Variants in SHROOM2 observed in about 807,000 individuals in gnomAD.
SHROOM2 encodes the protein protein Shroom2.
SHROOM2 carries 33 observed loss-of-function variants against 75.9 expected under a neutral mutation model. The observed-to-expected ratio is 0.43, with a 90% CI of 0.33 to 0.58. The LOEUF is 0.58. Among genes scored for constraint, SHROOM2 ranks in the 20% least tolerant of loss-of-function variants. The pLI, the probability that SHROOM2 is intolerant of heterozygous loss-of-function variation, is 0.04. For synonymous variants in SHROOM2, 655 were observed against 663.6 expected (o/e 0.99, Z 0.20); for missense variants, 1,434 against 1,461.2 (o/e 0.98, Z 0.30).
At chrX:9,829,148 T>C (rs2083902941) in intron 1 of SHROOM2, among the ~76,000 whole-genome samples, 1 of 111,969 alleles carries the variant, frequency 8.9e-6, no homozygotes, top group African/African-American at 3.2e-5. Context: ...CTCAGCCTCC[T>C]GAGTAGCTGG....
At position 9,894,298 on chromosome X, in the gene SHROOM2, C is replaced by A. The variant is rs780417862; in HGVS notation, c.450-60C>A. Reference sequence around the variant, plus strand: ...AGGGTCAGCTGCGTCCACCGCCTTGCCCTTTGCCATTGCTGTTGCTAAAGC... The same window carrying A: ...AGGGTCAGCTGCGTCCACCGCCTTGACCTTTGCCATTGCTGTTGCTAAAGC... On this transcript the variant is annotated intron_variant, in intron 3 of 9. Transcript: ENST00000380913. 7 of 1,094,683 alleles carry A rather than the reference C, an allele frequency of 6.4e-6. No homozygotes were observed. In the Admixed American group the frequency reaches 1.8e-4, roughly 28 times the overall value. 90.2% of individuals were successfully genotyped at this position (1,094,683 alleles called of 1,213,427 possible).
intron 2 of SHROOM2, among the ~76,000 whole-genome samples, chrX:9,882,793 G>C (rs1479731200): frequency 8.9e-6 from 1 of 112,131 alleles, no homozygotes; most frequent in African/African-American, 3.2e-5. Flanking sequence ...GGGCCCTGGC[G>C]TTTGCTTACA....
chrX:9,888,158 CAG>C (rs2084271077), intron 2 of SHROOM2, among the ~76,000 whole-genome samples: 1 of 113,077 alleles, frequency 8.8e-6, no homozygotes. Context: ...TCCCCCATGA[CAG>C]GGGCCTTCCG....
chrX:9,913,292 A>G (rs1033397483), intron 5 of SHROOM2: 1 of 112,750 alleles, frequency 8.9e-6, no homozygotes, highest in Admixed American at 9.4e-5. Flanking sequence ...TAGTCATGAG[A>G]AATGTTCCCT....
chrX:9,892,266 A>G (rs953697129), intron 3 of SHROOM2, among the ~76,000 whole-genome samples: 24 of 108,718 alleles, frequency 2.2e-4, no homozygotes, highest in Admixed American at 1.2e-3. Flanking sequence ...AAAAAAAAAA[A>G]AAAAGAAAAG....
intron 1 of SHROOM2, among the ~76,000 whole-genome samples, chrX:9,823,147 T>TCC (rs2083867513): frequency 3.0e-5 from 2 of 66,271 alleles, no homozygotes; most frequent in African/African-American, 1.1e-4. Flanking sequence ...CTCCTTCTCC[T>TCC]TCTTCCTTCT....
chrX:9,927,792 G>A (rs182838917), intron 5 of SHROOM2, among the ~76,000 whole-genome samples: 7 of 111,451 alleles, frequency 6.3e-5, no homozygotes, highest in Non-Finnish European at 1.1e-4. Flanking sequence ...AGGGAGGAGC[G>A]TGGAGGCAGG....
intron 5 of SHROOM2, among the ~76,000 whole-genome samples, chrX:9,906,622 C>G (rs1424971710): frequency 9.0e-6 from 1 of 111,451 alleles, no homozygotes; most frequent in East Asian, 2.8e-4. Flanking sequence ...TGGTGAAACC[C>G]CGTCTCTACT....
intron 2 of SHROOM2, among the ~76,000 whole-genome samples, chrX:9,880,895 T>A (rs2084228154): frequency 8.9e-6 from 1 of 111,740 alleles, no homozygotes; most frequent in Non-Finnish European, 1.9e-5. Flanking sequence ...TATCTGAAGG[T>A]ACTTTTAGAA....
chrX:9,935,591 AAC>A (rs2084695805), intron 6 of SHROOM2, among the ~76,000 whole-genome samples: 1 of 111,027 alleles, frequency 9.0e-6, no homozygotes, highest in Non-Finnish European at 1.9e-5. Flanking sequence ...CCCTAGATAA[AAC>A]ACATCAGATG....
At chrX:9,922,620 C>G (rs1272814927) in intron 5 of SHROOM2, among the ~76,000 whole-genome samples, 2 of 111,209 alleles carry the variant, frequency 1.8e-5, no homozygotes, top group African/African-American at 6.5e-5. Flanking sequence ...GGCTAGTGTT[C>G]CCTTCTGTGA....
Position 9,937,124 on chromosome X carries a change from C to G in SHROOM2, c.3588-10C>G. 2.5e-6 allele frequency: 3 copies of G among 1,179,798 alleles called. No homozygotes were observed. The highest frequency in any genetic ancestry group is 4.7e-4 in the Middle Eastern group (2 of 4,272). On this transcript the variant is annotated splice_polypyrimidine_tract_variant and intron_variant, in intron 6 of 9. Coordinates refer to ENST00000380913, the MANE Select transcript of SHROOM2 (RefSeq NM_001649.4). Reference sequence around the variant, plus strand: ...TGCTTTGCGATTTCAGCAGACTGTTCATCTTCCAGAATTGAGCGGGTGATG... The same window carrying G: ...TGCTTTGCGATTTCAGCAGACTGTTGATCTTCCAGAATTGAGCGGGTGATG...
intron 2 of SHROOM2, among the ~76,000 whole-genome samples, chrX:9,880,419 C>T (rs1203928895): frequency 1.8e-5 from 2 of 113,467 alleles, no homozygotes; most frequent in South Asian, 3.5e-4. Context: ...GGCACTGGCA[C>T]GCTGTGGCAT....
chrX:9,816,248 A>G (rs1862994510), intron 1 of SHROOM2, among the ~76,000 whole-genome samples: 1 of 112,124 alleles, frequency 8.9e-6, no homozygotes, highest in South Asian at 3.7e-4. Flanking sequence ...ACAAGTTTTC[A>G]ATTCTCCTGA....
At chrX:9,913,776 C>T (rs1285576034) in intron 5 of SHROOM2, among the ~76,000 whole-genome samples, 1 of 111,698 alleles carries the variant, frequency 9.0e-6, no homozygotes, top group South Asian at 3.7e-4. Flanking sequence ...CAGCCTACTG[C>T]CTCGTAGATG....
intron 1 of SHROOM2, among the ~76,000 whole-genome samples, chrX:9,860,036 G>C (rs749145253): frequency 8.9e-6 from 1 of 111,834 alleles, no homozygotes; most frequent in South Asian, 3.8e-4. Context: ...TCCTTTCTCT[G>C]GAATATTGGT....
chrX:9,792,855 G>A (rs1432146555), intron 1 of SHROOM2, among the ~76,000 whole-genome samples: 2 of 109,804 alleles, frequency 1.8e-5, no homozygotes, highest in Admixed American at 9.8e-5. Flanking sequence ...CGTTACAGGC[G>A]CACACCACCA....
chrX:9,831,811 G>A (rs886789310), intron 1 of SHROOM2, among the ~76,000 whole-genome samples: 1 of 111,144 alleles, frequency 9.0e-6, no homozygotes, highest in African/African-American at 3.3e-5. Context: ...TGGTGGAAGG[G>A]GCAACAGAGC....
At chrX:9,909,314 C>T (rs1406233221) in intron 5 of SHROOM2, among the ~76,000 whole-genome samples, 3 of 112,590 alleles carry the variant, frequency 2.7e-5, no homozygotes, top group East Asian at 2.8e-4. Context: ...CAGACTGATA[C>T]GCAGGATGGT....
Sources: allele counts gnomAD v4.1 joint callset (sites outside exome capture counted in the v4.1 genomes callset), GRCh38; gene constraint gnomAD v4.1.1; transcripts MANE v1.5; gene names NCBI Gene and HGNC (gene_info 2026-07-23, HGNC 2026-07-21).